TOM1L2: variants seen among roughly 807,000 people sequenced by gnomAD.
The protein encoded by TOM1L2 is target of myb1 like 2 membrane trafficking protein.
TOM1L2 carries 31 observed loss-of-function variants against 67.9 expected under a neutral mutation model. The observed-to-expected ratio is 0.46, with a 90% CI of 0.34 to 0.62. The LOEUF is 0.62. Ranked by LOEUF, TOM1L2 falls within the 20% of genes least tolerant of loss-of-function variation. TOM1L2 has a pLI of 0.01. For missense variants in TOM1L2, 606 were observed against 663.5 expected (o/e 0.91, Z 0.95); for synonymous variants, 256 against 254.0 (o/e 1.01, Z -0.07).
chr17:17,936,400 T>G (rs1172544243), intron 1 of TOM1L2, among the ~76,000 whole-genome samples: 1 of 152,142 alleles, frequency 6.6e-6, no homozygotes, highest in Non-Finnish European at 1.5e-5. Flanking sequence ...CCATAAAAAC[T>G]AAGCATATGT....
At chr17:17,924,370 A>G (rs2040003965) in intron 1 of TOM1L2, among the ~76,000 whole-genome samples, 1 of 152,206 alleles carries the variant, frequency 6.6e-6, no homozygotes, top group Non-Finnish European at 1.5e-5. Flanking sequence ...TTTTTAAAAA[A>G]AACTCTGTGA....
chr17:17,893,834 G>C, intron 3 of TOM1L2, 24 bp from the exon 4 acceptor site: 1 of 1,610,100 alleles, frequency 6.2e-7, no homozygotes. Context: ...GGAAGGAAAA[G>C]GGTCACCCCA....
intron 1 of TOM1L2, among the ~76,000 whole-genome samples, chr17:17,917,875 A>T (rs1454849410): frequency 6.6e-6 from 1 of 151,866 alleles, no homozygotes; most frequent in African/African-American, 2.4e-5. Context: ...GGATGACTTG[A>T]GCCCGGGAGG....
At chr17:17,894,874 T>C (rs1041059031) in intron 3 of TOM1L2, among the ~76,000 whole-genome samples, 2 of 152,154 alleles carry the variant, frequency 1.3e-5, no homozygotes, top group Admixed American at 6.5e-5. Flanking sequence ...GAGGTTGCAA[T>C]GAGCTAAGAT....
At chr17:17,870,448 AGGCT>A (rs1278945459) in intron 7 of TOM1L2, among the ~76,000 whole-genome samples, 1 of 152,200 alleles carries the variant, frequency 6.6e-6, no homozygotes, top group Non-Finnish European at 1.5e-5. Context: ...CAACACTGCC[AGGCT>A]GGCCCCCAAG....
rs1471682676 is a variant in TOM1L2 at position 17,872,958 on chromosome 17, G to T, written c.778-3485C>A. On this transcript the variant is annotated intron_variant, in intron 7 of 14. Transcript: ENST00000379504. ...AGGGGAGTGTGGCAGTAGGTTGTGG[G>T]AAACAGATCCAAGTTACCCTCCAGA... is the stretch of plus-strand genomic sequence containing the variant. Among the ~76,000 whole-genome samples the T allele has an allele frequency of 2.6e-5, 4 of 152,310 alleles. No individual in the cohort carries two copies. In the South Asian group the frequency reaches 8.3e-4, roughly 32 times the overall value.
At chr17:17,874,858 G>T (rs2037340227) in intron 7 of TOM1L2, among the ~76,000 whole-genome samples, 1 of 152,154 alleles carries the variant, frequency 6.6e-6, no homozygotes, top group Non-Finnish European at 1.5e-5. Flanking sequence ...CTAAAGACAG[G>T]CCCAGAGACT....
At chr17:17,914,537 G>T (rs2039547629) in intron 1 of TOM1L2, among the ~76,000 whole-genome samples, 1 of 152,154 alleles carries the variant, frequency 6.6e-6, no homozygotes, top group African/African-American at 2.4e-5. Context: ...GGGCCTATCT[G>T]GCTCTTAACC....
chr17:17,848,843 T>A lies in TOM1L2; in HGVS notation c.1355A>T (p.Glu452Val). The A allele has an allele frequency of 3.1e-6, 5 of 1,614,150 alleles. No individual in the cohort carries two copies. The highest frequency in any genetic ancestry group is 4.2e-6 in the Non-Finnish European group (5 of 1,180,016). The stretch of plus-strand genomic sequence containing the variant: ...CATACCTTCACTTGTGACACCCTCC[T>A]CCAGATCATCACCCTTCTGTGGGAG... ...LRTDLKGDDLEEGVTSEEFDK... is the reference protein window; with the variant it reads ...LRTDLKGDDLVEGVTSEEFDK... Residue 452 changes from glutamate (E) to valine (V), a missense_variant, in exon 14 of 15, where the codon GAG (glutamate) becomes GTG (valine). This residue lies in a region of TOM1L2 where 543 missense variants were observed against 554.0 expected (regional missense o/e 0.98). Transcript: ENST00000379504.
intron 1 of TOM1L2, among the ~76,000 whole-genome samples, chr17:17,911,295 G>GCCTGC (rs59382992): frequency 6.6e-6 from 1 of 152,082 alleles, no homozygotes; most frequent in Admixed American, 6.6e-5. Context: ...CCGAGCTCAG[G>GCCTGC]CCTGCCCTGC....
At chr17:17,933,099 T>A (rs1290642499) in intron 1 of TOM1L2, among the ~76,000 whole-genome samples, 1 of 151,798 alleles carries the variant, frequency 6.6e-6, no homozygotes, top group Non-Finnish European at 1.5e-5. Flanking sequence ...AGAGCTGGAG[T>A]GGATTTATGG....
At chr17:17,962,323 TA>T (rs1159341609) in intron 1 of TOM1L2, among the ~76,000 whole-genome samples, 4 of 110,040 alleles carry the variant, frequency 3.6e-5, no homozygotes, top group African/African-American at 1.1e-4. Context: ...GATTGTTGCA[TA>T]TTTTTTTTTT....
At chr17:17,936,361 C>T (rs968314000) in intron 1 of TOM1L2, among the ~76,000 whole-genome samples, 1 of 152,184 alleles carries the variant, frequency 6.6e-6, no homozygotes, top group Non-Finnish European at 1.5e-5. Context: ...GTGCCCCTGC[C>T]CCAACCTGGG....
chr17:17,939,050 T>C lies in TOM1L2; in HGVS notation c.53-31519A>G, dbSNP rs775432751. Among the ~76,000 whole-genome samples the C allele has an allele frequency of 1.1e-3, 169 of 152,130 alleles. 1 individual carries two copies. Among genetic ancestry groups the C allele is most frequent in the Non-Finnish European group, 2.0e-3 (138 of 68,022 alleles). On this transcript the variant is annotated intron_variant, in intron 1 of 14. Coordinates refer to ENST00000379504, the MANE Select transcript of TOM1L2 (RefSeq NM_001082968.2). ...AAGTTATAATGCAGCTACTCAGTAA[T>C]GGGATGAAAAGGATAAAATGAAGAA...
chr17:17,848,100 G>A (rs2035751052), intron 14 of TOM1L2, among the ~76,000 whole-genome samples: 1 of 152,198 alleles, frequency 6.6e-6, no homozygotes, highest in Admixed American at 6.5e-5. Flanking sequence ...GTAAGCTGGA[G>A]GGGCCAGCTT....
At chr17:17,898,910 T>C (rs1249934280) in intron 2 of TOM1L2, among the ~76,000 whole-genome samples, 4 of 152,356 alleles carry the variant, frequency 2.6e-5, no homozygotes, top group East Asian at 3.9e-4. Flanking sequence ...TGCACCAATA[T>C]ACACCAAACT....
At chr17:17,942,773 G>C (rs1002480337) in intron 1 of TOM1L2, among the ~76,000 whole-genome samples, 1 of 152,138 alleles carries the variant, frequency 6.6e-6, no homozygotes, top group Non-Finnish European at 1.5e-5. Context: ...CAGCACGGTA[G>C]TTAGTATAGA....
chr17:17,855,501 G>C (rs1306165879), intron 12 of TOM1L2, among the ~76,000 whole-genome samples: 1 of 152,234 alleles, frequency 6.6e-6, no homozygotes, highest in Admixed American at 6.5e-5. Flanking sequence ...ACACTAGAGA[G>C]GCCAGGGAGG....
intron 1 of TOM1L2, among the ~76,000 whole-genome samples, chr17:17,968,524 G>A (rs1403626087): frequency 6.6e-6 from 1 of 152,110 alleles, no homozygotes; most frequent in African/African-American, 2.4e-5. Context: ...AATTAGCCCG[G>A]CACGGTGCCA....
Sources: allele counts gnomAD v4.1 joint callset (sites outside exome capture counted in the v4.1 genomes callset), GRCh38; gene constraint gnomAD v4.1.1; regional missense constraint gnomAD v4.1.1; transcripts MANE v1.5; gene names NCBI Gene and HGNC (gene_info 2026-07-23, HGNC 2026-07-21).